Variants in PAXIP1 observed in about 807,000 individuals in gnomAD.
PAXIP1 encodes the protein PAX interacting protein 1.
PAXIP1 carries 19 observed loss-of-function variants against 140.6 expected under a neutral mutation model. The observed-to-expected ratio is 0.14, with a 90% CI of 0.09 to 0.20. The LOEUF is 0.20. Ranked by LOEUF, PAXIP1 falls within the 10% of genes least tolerant of loss-of-function variation. PAXIP1 has a pLI of 1.00. For synonymous variants in PAXIP1, 442 were observed against 444.6 expected (o/e 0.99, Z 0.07); for missense variants, 920 against 1,208.6 (o/e 0.76, Z 3.54).
In PAXIP1 at chr7:154,956,428, CA is replaced by C. The variant is rs1263363056; in HGVS notation, c.2549+795del. 3 of 152,066 alleles carry C rather than the reference CA, an allele frequency of 2.0e-5. No individual in the cohort carries two copies. The highest frequency in any genetic ancestry group is 7.2e-5 in the African/African-American group (3 of 41,388). The allele number at this position is 152,066 out of a possible 1,614,324, so 9.4% of individuals were successfully genotyped here. ...TGAGGAACCTGGTAACTGCAAAAAA[CA>C]ATTCAAGCAGTTATATTTCACCATG... is the stretch of plus-strand genomic sequence containing the variant. On this transcript the variant is annotated intron_variant, in intron 14 of 20. Coordinates refer to ENST00000404141, the MANE Select transcript of PAXIP1 (RefSeq NM_007349.4). This position sits in a 1 kb window ranked among gnomAD's most constrained non-coding sequence, Gnocchi z 4.2.
chr7:154,976,394 T>G (rs929452925), intron 5 of PAXIP1, 63 bp from the exon 6 acceptor site: 2 of 1,510,706 alleles, frequency 1.3e-6, no homozygotes, highest in African/African-American at 2.8e-5. Context: ...TTCCTACAAT[T>G]ACGCATTTTA....
chr7:154,947,538 C>G (rs952644279), intron 17 of PAXIP1: 3 of 200,232 alleles, frequency 1.5e-5, no homozygotes, highest in African/African-American at 7.0e-5. Context: ...CATTTACTGA[C>G]AATAGTACGA....
chr7:155,002,107 C>T (rs1411894686), intron 1 of PAXIP1: 1 of 152,244 alleles, frequency 6.6e-6, no homozygotes, highest in Non-Finnish European at 1.5e-5. Context: ...GGACTGATAA[C>T]TGTGTGACAT....
chr7:154,985,269 G>T (rs1585075480), intron 4 of PAXIP1, among the ~76,000 whole-genome samples: 1 of 152,106 alleles, frequency 6.6e-6, no homozygotes, highest in East Asian at 1.9e-4. Flanking sequence ...GGGGAAAAGT[G>T]CTTTTCTTTT....
chr7:155,001,716 T>G (rs1349517711), intron 1 of PAXIP1: 1 of 152,306 alleles, frequency 6.6e-6, no homozygotes, highest in Non-Finnish European at 1.5e-5. Context: ...CAGGCTGGTC[T>G]CGAACTCATG....
chr7:154,952,130 A>G (rs913682995), intron 16 of PAXIP1: 1 of 152,212 alleles, frequency 6.6e-6, no homozygotes, highest in Admixed American at 6.5e-5. Context: ...TGTTTCATTA[A>G]TACCTTTTTA....
rs561301795 is a variant in PAXIP1 at position 154,986,934 on chromosome 7, T to C, written c.325-3602A>G. On this transcript the variant is annotated intron_variant, in intron 4 of 20. Transcript: ENST00000404141. The surrounding 1 kb of genome is among the most constrained non-coding windows in gnomAD (Gnocchi z 4.8). ...TAAGAAATTAACCTTTTGGCCATCA[T>C]TGACCCAGCCACTCCCCTTGGTAAG... is the stretch of plus-strand genomic sequence containing the variant. Among the ~76,000 whole-genome samples, 2 of 152,194 alleles carry C rather than the reference T, an allele frequency of 1.3e-5. No individual in the cohort carries two copies. Among genetic ancestry groups the C allele is most frequent in the South Asian group, 4.1e-4 (2 of 4,832 alleles).
Position 154,961,593 on chromosome 7 carries a change from G to C in PAXIP1, c.2183C>G (p.Ala728Gly). Residue 728 changes from alanine (A) to glycine (G), a missense_variant, in exon 11 of 21, where the codon GCT (alanine) becomes GGT (glycine). Ala to Gly is a moderately conservative substitution (Grantham distance 60). Around this residue, in one of 5 missense-constraint regions of PAXIP1, gnomAD observed 303 missense variants for 517.9 expected, o/e 0.59. Transcript: ENST00000404141. ...DSDRDDLKLM[A>G]YLAGAKYTGY... ...CGTATATTTGGCACCTGCCAAATAA[G>C]CCATTAATTTTAGGTCATCTCTGTC... The C allele has an allele frequency of 6.2e-7, 1 of 1,604,754 alleles. No homozygotes were observed. The highest frequency in any genetic ancestry group is 8.5e-7 in the Non-Finnish European group (1 of 1,174,398).
In PAXIP1 at chr7:154,961,519, T is replaced by C. The variant is rs767571796; in HGVS notation, c.2249+8A>G. The C allele has an allele frequency of 1.3e-6, 2 of 1,577,216 alleles. No individual in the cohort carries two copies. The highest frequency in any genetic ancestry group is 1.7e-6 in the Non-Finnish European group (2 of 1,161,680). ...TATGATTAAAAACAGTTTCGAAAAT[T>C]TGCTTACTCTTTACAGATGAGGACT... is the stretch of plus-strand genomic sequence containing the variant. On this transcript the variant is annotated splice_region_variant and intron_variant, in intron 11 of 20. Transcript: ENST00000404141.
chr7:154,996,134 G>C (rs981202626), intron 2 of PAXIP1, among the ~76,000 whole-genome samples: 2 of 152,174 alleles, frequency 1.3e-5, no homozygotes, highest in Non-Finnish European at 2.9e-5. Flanking sequence ...TATGAATTCA[G>C]ACTCAACTAT....
chr7:154,944,816 T>TC (rs1807856819), intron 20 of PAXIP1: 2 of 152,162 alleles, frequency 1.3e-5, no homozygotes, highest in East Asian at 3.9e-4. Context: ...ATCATTCCTA[T>TC]CAGTAGCTCC....
At chr7:155,002,033 T>A (rs1469107035) in intron 1 of PAXIP1, 1 of 152,176 alleles carries the variant, frequency 6.6e-6, no homozygotes, top group Non-Finnish European at 1.5e-5. Context: ...GCTAAACTTT[T>A]AAGAAGGAAA....
At position 154,986,589 on chromosome 7, in the gene PAXIP1, T is replaced by C. The variant is rs577101196; in HGVS notation, c.325-3257A>G. On this transcript the variant is annotated intron_variant, in intron 4 of 20. Coordinates refer to ENST00000404141, the MANE Select transcript of PAXIP1 (RefSeq NM_007349.4). This position sits in a 1 kb window ranked among gnomAD's most constrained non-coding sequence, Gnocchi z 4.8. ...CTGTACATATGTTGTTAATGTATCT[T>C]ACAACCAAAATAACATTTTTTAGCA... Among the ~76,000 whole-genome samples, 10 of 152,340 alleles carry C rather than the reference T, an allele frequency of 6.6e-5. No individual in the cohort carries two copies. The highest frequency in any genetic ancestry group is 1.3e-4 in the Admixed American group (2 of 15,306).
At chr7:154,983,905 C>T (rs1183843327) in intron 4 of PAXIP1, among the ~76,000 whole-genome samples, 1 of 152,108 alleles carries the variant, frequency 6.6e-6, no homozygotes, top group East Asian at 1.9e-4. Flanking sequence ...CTTATGCTTG[C>T]TCAGTGATGA....
At chr7:154,950,941 A>G (rs1384470715) in intron 16 of PAXIP1, 1 of 152,392 alleles carries the variant, frequency 6.6e-6, no homozygotes. Context: ...TAGAAAGAAT[A>G]AAAGATCAGT....
chr7:154,959,941 G>A lies in PAXIP1; in HGVS notation c.2435-8C>T. The A allele has an allele frequency of 6.3e-7, 1 of 1,585,802 alleles. No homozygotes were observed. Among genetic ancestry groups the A allele is most frequent in the South Asian group, 1.1e-5 (1 of 90,042 alleles). On this transcript the variant is annotated splice_region_variant and splice_polypyrimidine_tract_variant and intron_variant, in intron 12 of 20. Coordinates refer to ENST00000404141, the MANE Select transcript of PAXIP1 (RefSeq NM_007349.4). ...AGGGAACTCTCCAAGCATCTAAAGA[G>A]AGAAACACATTATTTTTTATGATAG...
intron 1 of PAXIP1, among the ~76,000 whole-genome samples, chr7:154,999,564 A>C (rs1234632528): frequency 1.3e-5 from 2 of 152,200 alleles, no homozygotes; most frequent in Non-Finnish European, 2.9e-5. Flanking sequence ...GAAAGGAGGA[A>C]GATGTGAGAG....
Position 154,986,317 on chromosome 7 carries a change from C to T in PAXIP1, c.325-2985G>A, listed in dbSNP as rs1055899371. 4.7e-6 allele frequency: 2 copies of T among 426,790 alleles called. No homozygotes were observed. The highest frequency in any genetic ancestry group is 4.2e-5 in the African/African-American group (2 of 47,928). The allele number at this position is 426,790 out of a possible 1,614,324, so 26.4% of individuals were successfully genotyped here. A position where few individuals can be genotyped will look rare whatever the true frequency, so the allele number is the denominator to read the frequency against. On this transcript the variant is annotated intron_variant, in intron 4 of 20. Transcript: ENST00000404141. This position sits in a 1 kb window ranked among gnomAD's most constrained non-coding sequence, Gnocchi z 4.8. ...GTGTGCAGAAAAGGTGCAGATCCCT[C>T]TGACAGTCTCCAATCAGTTAGGACT...
intron 8 of PAXIP1, chr7:154,965,462 C>T (rs1384734274): frequency 1.3e-5 from 2 of 152,196 alleles, no homozygotes; most frequent in Non-Finnish European, 2.9e-5. Flanking sequence ...GTAGTATCAC[C>T]TATACTTAAG....
Sources: gnomAD v4.1 joint callset for allele counts (sites outside exome capture counted in the v4.1 genomes callset) on GRCh38, gnomAD v4.1.1 for gene constraint, gnomAD v4.1.1 regional missense constraint, Gnocchi (gnomAD v3.1) non-coding constraint, MANE v1.5 for transcripts, NCBI Gene and HGNC (gene_info 2026-07-23, HGNC 2026-07-21) for gene names.